The following TMX3 variants were observed in gnomAD, a reference collection of about 807,000 sequenced individuals.
TMX3 encodes the protein thioredoxin related transmembrane protein 3.
Under a neutral mutation model 64.4 loss-of-function variants are expected in TMX3, and 40 were observed. The ratio of observed to expected loss-of-function variants is 0.62; its 90% CI spans 0.48 to 0.81. The LOEUF (loss-of-function observed/expected upper bound fraction) is 0.81, where lower values mean the gene tolerates loss of function less well. Among genes scored for constraint, TMX3 ranks in the 30% least tolerant of loss-of-function variants. The pLI, the probability that TMX3 is intolerant of heterozygous loss-of-function variation, is 0.00. For missense variants in TMX3, 497 were observed against 534.5 expected (o/e 0.93, Z 0.69); for synonymous variants, 189 against 175.7 (o/e 1.08, Z -0.60).
intron 13 of TMX3, 171 bp from the exon 14 acceptor site, chr18:68,681,281 T>C (rs1913409775): frequency 3.3e-6 from 2 of 605,896 alleles, no homozygotes; most frequent in African/African-American, 1.9e-5. Flanking sequence ...ATTTTATGCA[T>C]TCATGACATA....
rs753355190 is a variant in TMX3 at position 68,681,092 on chromosome 18, A to G, written c.924T>C (p.Thr308=). 7 of 1,573,122 alleles carry G rather than the reference A, an allele frequency of 4.4e-6. No homozygotes were observed. The highest frequency in any genetic ancestry group is 4.3e-6 in the Non-Finnish European group (5 of 1,162,274). ...GGTTTGAAGTATTCAGTACAACTAC[A>G]GTTGGGACTGTCAATTCACTGAAAA... ...TLLMDELTVP[T]VVVLNTSNQQ... The change falls in exon 14 of 16, where the codon ACT becomes ACC. Residue 308 remains threonine, a synonymous_variant. Coordinates refer to ENST00000299608, the MANE Select transcript of TMX3 (RefSeq NM_019022.5).
intron 8 of TMX3, among the ~76,000 whole-genome samples, chr18:68,693,213 G>A (rs1914694942): frequency 6.6e-6 from 1 of 152,304 alleles, no homozygotes; most frequent in African/African-American, 2.4e-5. Flanking sequence ...AGCCCGTCTG[G>A]AGCAGCTGCT....
intron 4 of TMX3, among the ~76,000 whole-genome samples, chr18:68,705,756 T>C (rs1048226765): frequency 9.2e-5 from 14 of 152,216 alleles, no homozygotes; most frequent in Admixed American, 3.3e-4. Context: ...GGTTATGGTA[T>C]TAGTTAAATC....
intron 15 of TMX3, 93 bp from the exon 16 acceptor site, chr18:68,677,286 G>A (rs1208915664): frequency 3.6e-6 from 5 of 1,378,998 alleles, no homozygotes; most frequent in African/African-American, 1.5e-5. Flanking sequence ...GATTTCTCTT[G>A]TTGCTATTCA....
At position 68,676,927 on chromosome 18, in the gene TMX3, C is replaced by G; in HGVS notation, c.*6G>C. 3 of 1,608,916 alleles carry G rather than the reference C, an allele frequency of 1.9e-6. No individual in the cohort carries two copies. Among genetic ancestry groups the G allele is most frequent in the Non-Finnish European group, 2.5e-6 (3 of 1,178,378 alleles). ...GTCCTAACAAATATTTTATAGTCAT[C>G]AAGTCTCAATCTTTCTTCTTTTCTA... On this transcript the variant is annotated 3_prime_UTR_variant, in exon 16 of 16. Transcript: ENST00000299608.
chr18:68,684,345 G>T (rs1359023993), intron 11 of TMX3, 83 bp downstream of exon 11: 4 of 1,508,346 alleles, frequency 2.7e-6, no homozygotes, highest in Non-Finnish European at 3.7e-6. Context: ...TGCAGGAAAA[G>T]TAAGATACCA....
chr18:68,695,012 C>A (rs1166891087), intron 8 of TMX3, among the ~76,000 whole-genome samples: 1 of 151,866 alleles, frequency 6.6e-6, no homozygotes, highest in Non-Finnish European at 1.5e-5. Flanking sequence ...TTTCATAATT[C>A]CCCTGAATTA....
At chr18:68,699,080 A>G (rs1254406776) in intron 6 of TMX3, among the ~76,000 whole-genome samples, 1 of 152,064 alleles carries the variant, frequency 6.6e-6, no homozygotes, top group Non-Finnish European at 1.5e-5. Flanking sequence ...TGGTGTGTAT[A>G]TTACAATACA....
intron 4 of TMX3, 69 bp from the exon 5 acceptor site, chr18:68,701,859 C>T (rs1056618617): frequency 1.6e-6 from 2 of 1,284,900 alleles, no homozygotes; most frequent in Non-Finnish European, 2.2e-6. Flanking sequence ...ACAAATGAGG[C>T]TTTTACTTTA....
intron 5 of TMX3, chr18:68,700,897 G>A: frequency 1.0e-6 from 1 of 984,796 alleles, no homozygotes; most frequent in Non-Finnish European, 1.2e-6. Flanking sequence ...AATACAACAT[G>A]ACAGTTACTT....
Position 68,677,172 on chromosome 18 carries a change from G to C in TMX3, c.1126C>G (p.Leu376Val), listed in dbSNP as rs749359247. ...AGGCCAAAGAGAAAGCAGCCCATCA[G>C]TGGTGAGCTCTTGAATATAGACTGT... ...TIVSIFKSSP[L>V]MGCFLFGLPL... The change falls in exon 16 of 16, where the codon CTG (leucine) becomes GTG (valine). Residue 376 changes from leucine to valine, a missense_variant. By Grantham distance (32) the Leu-to-Val change is conservative. Around this residue, in one of 3 missense-constraint regions of TMX3, gnomAD observed 43 missense variants for 75.3 expected, o/e 0.57. Transcript: ENST00000299608. The C allele has an allele frequency of 3.1e-6, 5 of 1,613,648 alleles. No homozygotes were observed. The highest frequency in any genetic ancestry group is 4.2e-6 in the Non-Finnish European group (5 of 1,179,664).
At chr18:68,706,726 A>G (rs775418831) in intron 4 of TMX3, among the ~76,000 whole-genome samples, 8 of 152,210 alleles carry the variant, frequency 5.3e-5, no homozygotes, top group Non-Finnish European at 1.2e-4. Flanking sequence ...ACTTGAAAGT[A>G]ATTCCATTTT....
In TMX3 at chr18:68,676,167, G is replaced by A. The variant is rs1222369730; in HGVS notation, c.*766C>T. The A allele has an allele frequency of 6.6e-6, 1 of 152,148 alleles. No homozygotes were observed. The highest frequency in any genetic ancestry group is 1.5e-5 in the Non-Finnish European group (1 of 68,022). 9.4% of individuals were successfully genotyped at this position (152,148 alleles called of 1,614,324 possible). A position where few individuals can be genotyped will look rare whatever the true frequency, so the allele number is the denominator to read the frequency against. ...ATACTAGGCTATTCTGGCTAAAGCA[G>A]AGTAGGATTAACAGAGACCCTTCCC... On this transcript the variant is annotated 3_prime_UTR_variant, in exon 16 of 16. Coordinates refer to ENST00000299608, the MANE Select transcript of TMX3 (RefSeq NM_019022.5).
chr18:68,713,817 A>T, intron 2 of TMX3, 29 bp downstream of exon 2: 1 of 1,141,412 alleles, frequency 8.8e-7, no homozygotes, highest in Non-Finnish European at 1.2e-6. Context: ...AGTTAAAATA[A>T]TATTTTAAAT....
Position 68,700,465 on chromosome 18 carries a change from T to C in TMX3, c.332A>G (p.Tyr111Cys), listed in dbSNP as rs1168708182. The C allele has an allele frequency of 2.5e-6, 4 of 1,569,456 alleles. No individual in the cohort carries two copies. Among genetic ancestry groups the C allele is most frequent in the Non-Finnish European group, 1.7e-6 (2 of 1,159,770 alleles). Residue 111 changes from tyrosine to cysteine, a missense_variant, in exon 6 of 16, where the codon TAT becomes TGT. Physicochemically the swap from Tyr to Cys is radical, Grantham distance 194. This residue lies in a region of TMX3 where 360 missense variants were observed against 383.5 expected (regional missense o/e 0.94). Transcript: ENST00000299608. ...TTTTGTTCGTGGTCCTCTATAATTA[T>C]ATGCCAAGTCCCCTTTTAATCTTTA... ...TIKLLKGDLA[Y>C]NYRGPRTKDD... is the part of the protein sequence containing the mutation.
At chr18:68,694,347 T>C (rs1914844698) in intron 8 of TMX3, among the ~76,000 whole-genome samples, 1 of 152,190 alleles carries the variant, frequency 6.6e-6, no homozygotes, top group African/African-American at 2.4e-5. Context: ...TCCCCTTGTC[T>C]AGATGCTGGT....
At chr18:68,683,615 CA>C (rs1913659562) in intron 12 of TMX3, among the ~76,000 whole-genome samples, 1 of 152,092 alleles carries the variant, frequency 6.6e-6, no homozygotes, top group Non-Finnish European at 1.5e-5. Flanking sequence ...ACATAAAACG[CA>C]TCTCAAATCC....
At chr18:68,677,285 T>C in intron 15 of TMX3, 92 bp from the exon 16 acceptor site, 2 of 1,392,758 alleles carry the variant, frequency 1.4e-6, no homozygotes, top group South Asian at 1.4e-5. Flanking sequence ...AGATTTCTCT[T>C]GTTGCTATTC....
Position 68,675,834 on chromosome 18 carries a change from A to C in TMX3, c.*1099T>G, listed in dbSNP as rs1323964154. The C allele has an allele frequency of 1.3e-5, 2 of 152,184 alleles. No individual in the cohort carries two copies. The highest frequency in any genetic ancestry group is 2.4e-5 in the African/African-American group (1 of 41,458). The allele number at this position is 152,184 out of a possible 1,614,324, so 9.4% of individuals were successfully genotyped here. The stretch of plus-strand genomic sequence containing the variant: ...ACTTGACGAAATGGGTGACAGAACT[A>C]AGACAATGGAGAAGGTAACTGGCTG... On this transcript the variant is annotated 3_prime_UTR_variant, in exon 16 of 16. Transcript: ENST00000299608.
Sources: gnomAD v4.1 joint callset for allele counts (sites outside exome capture counted in the v4.1 genomes callset) on GRCh38, gnomAD v4.1.1 for gene constraint, gnomAD v4.1.1 regional missense constraint, MANE v1.5 for transcripts, NCBI Gene and HGNC (gene_info 2026-07-23, HGNC 2026-07-21) for gene names.